The following MAGI2 variants were observed in gnomAD, a reference collection of about 807,000 sequenced individuals.
MAGI2 encodes the protein membrane-associated guanylate kinase, WW and PDZ domain-containing protein 2.
MAGI2 carries 35 observed loss-of-function variants against 133.3 expected under a neutral mutation model. That is an observed-to-expected ratio of 0.26 (90% CI 0.20 to 0.35). The LOEUF (loss-of-function observed/expected upper bound fraction) is 0.35. Among genes scored for constraint, MAGI2 ranks in the 10% least tolerant of loss-of-function variants. The pLI is 1.00. For synonymous variants in MAGI2, 729 were observed against 710.6 expected, an observed-to-expected ratio of 1.03 and a Z score of -0.41; for missense variants, 1,636 against 1,863.4, an observed-to-expected ratio of 0.88 and a Z score of 2.25.
chr7:79,383,809 G>C (rs1389494430), intron 1 of MAGI2, among the ~76,000 whole-genome samples: 1 of 151,282 alleles, frequency 6.6e-6, no homozygotes, highest in Non-Finnish European at 1.5e-5. Flanking sequence ...GGAACACAAG[G>C]ATACTTCGCT....
At chr7:79,245,092 G>A (rs1456661226) in intron 1 of MAGI2, among the ~76,000 whole-genome samples, 1 of 152,152 alleles carries the variant, frequency 6.6e-6, no homozygotes, top group Non-Finnish European at 1.5e-5. Flanking sequence ...GCTGACTAAA[G>A]AGCACTTGGT....
chr7:78,641,907 G>C (rs141900691), intron 2 of MAGI2, among the ~76,000 whole-genome samples: 68 of 152,282 alleles, frequency 4.5e-4, no homozygotes, highest in Non-Finnish European at 8.5e-4. Flanking sequence ...AAACACATCT[G>C]TTCCTATAAG....
At chr7:78,795,898 G>A (rs1256261531) in intron 2 of MAGI2, among the ~76,000 whole-genome samples, 1 of 152,078 alleles carries the variant, frequency 6.6e-6, no homozygotes, top group Non-Finnish European at 1.5e-5. Flanking sequence ...AGGACAGACT[G>A]TTTAAATAAA....
intron 2 of MAGI2, among the ~76,000 whole-genome samples, chr7:78,944,982 G>T (rs1801299230): frequency 6.6e-6 from 1 of 151,430 alleles, no homozygotes; most frequent in Middle Eastern, 3.2e-3. Flanking sequence ...CAGGCGATCT[G>T]TCCGTCTTGG....
At chr7:78,594,873 G>A (rs1804433814) in intron 3 of MAGI2, among the ~76,000 whole-genome samples, 1 of 152,092 alleles carries the variant, frequency 6.6e-6, no homozygotes, top group Non-Finnish European at 1.5e-5. Context: ...CCAGTACTTG[G>A]TCCCATTAAG....
In MAGI2 at chr7:78,056,655, C is replaced by T. The variant is rs149583010; in HGVS notation, c.3706+22292G>A. 2.9e-3 allele frequency among the ~76,000 whole-genome samples: 445 copies of T among 152,020 alleles called. 1 individual carries two copies. Among genetic ancestry groups the T allele is most frequent in the African/African-American group, 1.0e-2 (413 of 41,440 alleles). ...CAAATTGAGGGGGGAACAACACACA[C>T]TGGGGCCTGTCAGGGCTTGGGGGGA... is the stretch of plus-strand genomic sequence containing the variant. On this transcript the variant is annotated intron_variant, in intron 21 of 21. Coordinates refer to ENST00000354212, the MANE Select transcript of MAGI2 (RefSeq NM_012301.4).
intron 2 of MAGI2, among the ~76,000 whole-genome samples, chr7:78,912,632 C>A (rs1584369845): frequency 6.6e-6 from 1 of 151,806 alleles, no homozygotes; most frequent in African/African-American, 2.4e-5. Flanking sequence ...GTTTTGAAAC[C>A]AGACTTTCCT....
intron 1 of MAGI2, among the ~76,000 whole-genome samples, chr7:79,168,150 G>A (rs1359848986): frequency 1.3e-5 from 2 of 151,672 alleles, no homozygotes; most frequent in Non-Finnish European, 2.9e-5. Context: ...ATCTCTGTTC[G>A]GGGCTCTCAG....
intron 1 of MAGI2, among the ~76,000 whole-genome samples, chr7:79,351,117 T>C (rs1841661113): frequency 6.6e-6 from 1 of 152,112 alleles, no homozygotes. Flanking sequence ...AAAGAAATAA[T>C]ATACTTCAAT....
chr7:78,165,181 C>T (rs1213095619), intron 15 of MAGI2, among the ~76,000 whole-genome samples: 1 of 152,152 alleles, frequency 6.6e-6, no homozygotes, highest in Non-Finnish European at 1.5e-5. Flanking sequence ...TCTAGTTTAT[C>T]TTCTGATTGG....
chr7:78,315,957 TCC>T (rs1229351087), intron 9 of MAGI2, among the ~76,000 whole-genome samples: 3 of 152,196 alleles, frequency 2.0e-5, no homozygotes, highest in Admixed American at 6.5e-5. Context: ...AACATATTCT[TCC>T]TTTAAACCTT....
chr7:78,020,010 G>T lies in MAGI2; in HGVS notation c.3707-34C>A, dbSNP rs761015089. ...GGGAAGCACAGGCGTTAGCAGTGGCGCACGCAGGACGTCCCCGTGCCCTCT... is the reference window on the plus strand; with the variant it reads ...GGGAAGCACAGGCGTTAGCAGTGGCTCACGCAGGACGTCCCCGTGCCCTCT... On this transcript the variant is annotated intron_variant, in intron 21 of 21. Coordinates refer to ENST00000354212, the MANE Select transcript of MAGI2 (RefSeq NM_012301.4). 4.5e-6 allele frequency: 7 copies of T among 1,556,680 alleles called. No homozygotes were observed. The East Asian group carries it at 1.7e-4, about 37-fold the overall frequency.
chr7:79,252,454 G>C (rs1833380626), intron 1 of MAGI2, among the ~76,000 whole-genome samples: 1 of 152,154 alleles, frequency 6.6e-6, no homozygotes, highest in South Asian at 2.1e-4. Flanking sequence ...AAGAATAGTT[G>C]GGGGTGAGAG....
chr7:78,600,732 GGT>G (rs746239707), intron 3 of MAGI2, among the ~76,000 whole-genome samples: 22 of 151,108 alleles, frequency 1.5e-4, no homozygotes, highest in African/African-American at 4.1e-4. Context: ...CACGAGGGGA[GGT>G]GTGTGTGTGT....
chr7:79,402,796 TAAGAAAA>T (rs1412645163), intron 1 of MAGI2, among the ~76,000 whole-genome samples: 1 of 152,132 alleles, frequency 6.6e-6, no homozygotes, highest in Non-Finnish European at 1.5e-5. Flanking sequence ...ACCCCATCTC[TAAGAAAA>T]TGTTTTCAGT....
chr7:78,984,727 C>T (rs528946620), intron 2 of MAGI2, among the ~76,000 whole-genome samples: 6 of 151,948 alleles, frequency 3.9e-5, no homozygotes, highest in Non-Finnish European at 5.9e-5. Context: ...ACACACTCAG[C>T]ACTATCACCC....
At chr7:79,360,003 C>A (rs1412048670) in intron 1 of MAGI2, among the ~76,000 whole-genome samples, 1 of 152,046 alleles carries the variant, frequency 6.6e-6, no homozygotes, top group Non-Finnish European at 1.5e-5. Context: ...CCAAACAGAA[C>A]TAACATCAGA....
chr7:78,605,392 A>C (rs943375236), intron 3 of MAGI2, among the ~76,000 whole-genome samples: 1 of 152,226 alleles, frequency 6.6e-6, no homozygotes, highest in Non-Finnish European at 1.5e-5. Flanking sequence ...ACATCGGAAA[A>C]TGACCTCTTA....
At chr7:78,269,345 C>T (rs903729013) in intron 9 of MAGI2, among the ~76,000 whole-genome samples, 2 of 152,128 alleles carry the variant, frequency 1.3e-5, no homozygotes, top group Non-Finnish European at 2.9e-5. Flanking sequence ...GTTCTAGATC[C>T]TTGAGGGATT....
Sources: allele counts gnomAD v4.1 joint callset (sites outside exome capture counted in the v4.1 genomes callset), GRCh38; gene constraint gnomAD v4.1.1; transcripts MANE v1.5; gene names NCBI Gene and HGNC (gene_info 2026-07-23, HGNC 2026-07-21).